FAT3: variants seen among roughly 807,000 people sequenced by gnomAD.
FAT3 encodes protocadherin Fat 3.
A neutral mutation model predicts 310.2 loss-of-function variants in FAT3; 95 were observed. The ratio of observed to expected loss-of-function variants is 0.31; its 90% confidence interval spans 0.26 to 0.36. The LOEUF is 0.36. Among genes scored for constraint, FAT3 ranks in the 10% least tolerant of loss-of-function variants. The pLI, the probability that FAT3 is intolerant of heterozygous loss-of-function variation, is 1.00. For missense variants in FAT3, 5,408 were observed against 5,715.6 expected, an observed-to-expected ratio of 0.95 and a Z score of 1.74; for synonymous variants, 2,314 against 2,192.9, an observed-to-expected ratio of 1.06 and a Z score of -1.54.
At chr11:92,741,926 A>C (rs958532309) in intron 4 of FAT3, among the ~76,000 whole-genome samples, 2 of 152,242 alleles carry the variant, frequency 1.3e-5, no homozygotes, top group African/African-American at 2.4e-5. Context: ...ATCCAACTCA[A>C]AATTAAAATA....
chr11:92,892,437 A>G lies in FAT3; in HGVS notation c.*1324A>G, dbSNP rs2136455223. ...CTTTTTTTTTTTTTTCTCAAGACAGAGTCTTGCTCTGTCACCCAGGCTAGA... is the reference window on the plus strand; with the variant it reads ...CTTTTTTTTTTTTTTCTCAAGACAGGGTCTTGCTCTGTCACCCAGGCTAGA... On this transcript the variant is annotated 3_prime_UTR_variant, in exon 28 of 28. Coordinates refer to ENST00000525166, the MANE Select transcript of FAT3 (RefSeq NM_001367949.2). 1 of 149,696 alleles carries G rather than the reference A, an allele frequency of 6.7e-6. No homozygotes were observed. Among genetic ancestry groups the G allele is most frequent in the East Asian group, 2.0e-4 (1 of 5,080 alleles). The allele number at this position is 149,696 out of a possible 1,614,324, so 9.3% of individuals were successfully genotyped here. A position where few individuals can be genotyped will look rare whatever the true frequency, so the allele number is the denominator to read the frequency against.
At position 92,403,734 on chromosome 11, in the gene FAT3, G is replaced by A. The variant is rs1193235005; in HGVS notation, c.3292+48330G>A. 3.3e-5 allele frequency among the ~76,000 whole-genome samples: 5 copies of A among 152,100 alleles called. No individual in the cohort carries two copies. The East Asian group carries it at 9.6e-4, about 29-fold the overall frequency. On this transcript the variant is annotated intron_variant, in intron 2 of 27. Transcript: ENST00000525166. ...AGCAGAGAAAAGTTTATATTATGGA[G>A]TGTTACAAAACAAGTATGGGGGCCG... is the stretch of plus-strand genomic sequence containing the variant.
chr11:92,288,909 A>G (rs1946621682), intron 1 of FAT3, among the ~76,000 whole-genome samples: 1 of 152,120 alleles, frequency 6.6e-6, no homozygotes, highest in South Asian at 2.1e-4. Context: ...TGATCCGGAA[A>G]AAAGAAAGGT....
At chr11:92,592,178 A>G (rs961193424) in intron 3 of FAT3, among the ~76,000 whole-genome samples, 2 of 152,066 alleles carry the variant, frequency 1.3e-5, no homozygotes, top group African/African-American at 4.8e-5. Context: ...CTCAAAAATG[A>G]GGGATAGTAT....
At chr11:92,485,880 T>A (rs1207576768) in intron 2 of FAT3, among the ~76,000 whole-genome samples, 1 of 151,746 alleles carries the variant, frequency 6.6e-6, no homozygotes, top group Admixed American at 6.6e-5. Flanking sequence ...TTTGCAACCT[T>A]ATCAAAACTC....
chr11:92,647,255 A>G (rs180956548), intron 3 of FAT3, among the ~76,000 whole-genome samples: 33 of 152,358 alleles, frequency 2.2e-4, no homozygotes, highest in African/African-American at 7.2e-4. Flanking sequence ...AAGATATATA[A>G]AGATGAATAA....
At chr11:92,347,301 C>T (rs1265241867) in intron 1 of FAT3, among the ~76,000 whole-genome samples, 1 of 152,186 alleles carries the variant, frequency 6.6e-6, no homozygotes, top group Non-Finnish European at 1.5e-5. Flanking sequence ...TCAAGGACTC[C>T]TGTCAAGGGG....
At chr11:92,272,513 T>C (rs1946152163) in intron 1 of FAT3, among the ~76,000 whole-genome samples, 1 of 151,904 alleles carries the variant, frequency 6.6e-6, no homozygotes, top group Non-Finnish European at 1.5e-5. Context: ...ATGAATAATA[T>C]AATATAACCC....
chr11:92,789,026 A>C (rs1397752510), intron 7 of FAT3, among the ~76,000 whole-genome samples: 3 of 152,204 alleles, frequency 2.0e-5, no homozygotes, highest in Non-Finnish European at 4.4e-5. Context: ...ATATGTGATA[A>C]ACAAACAAAA....
chr11:92,517,043 A>G (rs1038377815), intron 2 of FAT3, among the ~76,000 whole-genome samples: 1 of 152,220 alleles, frequency 6.6e-6, no homozygotes, highest in African/African-American at 2.4e-5. Flanking sequence ...TATCGTGAAA[A>G]CGGCCATACT....
chr11:92,412,736 T>TACACAC (rs367827231), intron 2 of FAT3, among the ~76,000 whole-genome samples: 2 of 14,960 alleles, frequency 1.3e-4, no homozygotes, highest in East Asian at 4.7e-3. Context: ...TATATATATA[T>TACACAC]ATATATATAA....
At chr11:92,302,103 CATGGTT>C (rs1755007610) in intron 1 of FAT3, among the ~76,000 whole-genome samples, 1 of 152,070 alleles carries the variant, frequency 6.6e-6, no homozygotes, top group African/African-American at 2.4e-5. Context: ...TATACATACT[CATGGTT>C]ATGGTATATG....
chr11:92,871,813 G>GCTATTTT (rs1949401474), intron 22 of FAT3, among the ~76,000 whole-genome samples: 1 of 152,088 alleles, frequency 6.6e-6, no homozygotes, highest in Non-Finnish European at 1.5e-5. Flanking sequence ...AAGCCTCCAA[G>GCTATTTT]GAGTTTCTAT....
At chr11:92,749,926 G>T (rs146416072) in intron 4 of FAT3, among the ~76,000 whole-genome samples, 2 of 152,134 alleles carry the variant, frequency 1.3e-5, no homozygotes. Flanking sequence ...ATCACAGGGC[G>T]TCCTAACATT....
chr11:92,562,435 A>T (rs1565413781), intron 3 of FAT3, among the ~76,000 whole-genome samples: 1 of 152,090 alleles, frequency 6.6e-6, no homozygotes, highest in Non-Finnish European at 1.5e-5. Flanking sequence ...TAAATTTCTT[A>T]ACCTTGCTGA....
chr11:92,518,820 G>A (rs1953586516), intron 2 of FAT3, among the ~76,000 whole-genome samples: 2 of 152,036 alleles, frequency 1.3e-5, no homozygotes, highest in African/African-American at 4.8e-5. Flanking sequence ...AACATGAAAT[G>A]TTTAGGGATA....
At chr11:92,730,854 T>A (rs1393649846) in intron 4 of FAT3, among the ~76,000 whole-genome samples, 2 of 152,210 alleles carry the variant, frequency 1.3e-5, no homozygotes, top group East Asian at 1.9e-4. Context: ...ATGTAGTTTT[T>A]AAAATTTTTT....
At chr11:92,651,273 A>T (rs1942370721) in intron 3 of FAT3, among the ~76,000 whole-genome samples, 1 of 152,192 alleles carries the variant, frequency 6.6e-6, no homozygotes, top group Non-Finnish European at 1.5e-5. Context: ...AGAAGACAGG[A>T]ATGTGTGCAG....
At chr11:92,818,430 G>C (rs899776714) in intron 13 of FAT3, among the ~76,000 whole-genome samples, 31 of 152,184 alleles carry the variant, frequency 2.0e-4, no homozygotes, top group African/African-American at 7.5e-4. Context: ...CTCTGTCCGT[G>C]TCTTCCATAG....
Sources: allele counts gnomAD v4.1 joint callset (sites outside exome capture counted in the v4.1 genomes callset), GRCh38; gene constraint gnomAD v4.1.1; transcripts MANE v1.5; gene names NCBI Gene and HGNC (gene_info 2026-07-23, HGNC 2026-07-21).